The following ZNG1B variants were observed in gnomAD, a reference collection of about 807,000 sequenced individuals.
ZNG1B encodes zinc-regulated GTPase metalloprotein activator 1B.
At chr2:113,457,093 G>A in the ZNG1B span, 52 of 454,612 alleles carry the variant, frequency 1.1e-4, 1 homozygote, top group South Asian at 8.1e-4. Flanking sequence ...TAAAATGACA[G>A]CTCTCTATTC....
chr2:113,442,276 G>A, the ZNG1B span, among the ~76,000 whole-genome samples: 2 of 151,938 alleles, frequency 1.3e-5, no homozygotes, highest in African/African-American at 4.8e-5. Flanking sequence ...ATATTAAACT[G>A]TAGTCAAAAA....
At chr2:113,447,193 GA>G in the ZNG1B span, among the ~76,000 whole-genome samples, 1 of 113,260 alleles carries the variant, frequency 8.8e-6, no homozygotes, top group African/African-American at 3.7e-5. Flanking sequence ...TACTTGGGAG[GA>G]TCACTTGAGC....
At chr2:113,462,999 C>G in the ZNG1B span, among the ~76,000 whole-genome samples, 3 of 148,378 alleles carry the variant, frequency 2.0e-5, no homozygotes, top group Non-Finnish European at 3.0e-5. Flanking sequence ...CTCAGTTTTC[C>G]CTGAACTCTT....
the ZNG1B span, among the ~76,000 whole-genome samples, chr2:113,456,153 C>A: frequency 1.3e-5 from 2 of 151,438 alleles, no homozygotes; most frequent in Non-Finnish European, 1.5e-5. Flanking sequence ...TGATAGAGTG[C>A]CCTAATTTGA....
the ZNG1B span, among the ~76,000 whole-genome samples, chr2:113,463,509 T>TC: frequency 6.6e-6 from 1 of 152,202 alleles, no homozygotes; most frequent in South Asian, 2.1e-4. Flanking sequence ...TCATATTTTT[T>TC]CCACATATTT....
chr2:113,474,662 G>T, the ZNG1B span, among the ~76,000 whole-genome samples: 2 of 144,100 alleles, frequency 1.4e-5, no homozygotes, highest in South Asian at 2.2e-4. Context: ...TGCTTTGAAT[G>T]CGTCCCAGAG....
chr2:113,445,801 T>A, the ZNG1B span, among the ~76,000 whole-genome samples: 5,187 of 145,564 alleles, frequency 0.036, 380 homozygotes, highest in African/African-American at 0.13. Context: ...CCATTATTTT[T>A]TTTTTTTTTT....
At chr2:113,474,739 G>A in the ZNG1B span, among the ~76,000 whole-genome samples, 2 of 151,868 alleles carry the variant, frequency 1.3e-5, no homozygotes, top group Non-Finnish European at 2.9e-5. Flanking sequence ...CCTTCATTTT[G>A]TTATGTACCC....
At chr2:113,461,532 T>C in the ZNG1B span, among the ~76,000 whole-genome samples, 1 of 152,174 alleles carries the variant, frequency 6.6e-6, no homozygotes, top group Non-Finnish European at 1.5e-5. Context: ...GAATTCAGTT[T>C]TGAGAATTTA....
At chr2:113,446,311 A>G in the ZNG1B span, among the ~76,000 whole-genome samples, 1 of 152,208 alleles carries the variant, frequency 6.6e-6, no homozygotes, top group Non-Finnish European at 1.5e-5. Flanking sequence ...GTTATAAAAA[A>G]TCTTAATGTT....
At chr2:113,469,122 G>GTTTATT in the ZNG1B span, 5 of 151,606 alleles carry the variant, frequency 3.3e-5, no homozygotes, top group East Asian at 1.9e-4. Context: ...CATTCATTTG[G>GTTTATT]TTTATTTTTA....
the ZNG1B span, among the ~76,000 whole-genome samples, chr2:113,493,150 T>C: frequency 7.5e-6 from 1 of 132,532 alleles, no homozygotes; most frequent in African/African-American, 2.8e-5. Flanking sequence ...CCTATCATTC[T>C]CATCGCTAAG....
the ZNG1B span, chr2:113,444,985 T>C: frequency 3.1e-6 from 5 of 1,610,694 alleles, no homozygotes; most frequent in East Asian, 1.1e-4. Flanking sequence ...TTAGAGCTAT[T>C]GAGAATTTGA....
the ZNG1B span, among the ~76,000 whole-genome samples, chr2:113,473,163 G>T: frequency 2.7e-3 from 412 of 151,288 alleles, 1 homozygote; most frequent in African/African-American, 9.6e-3. Context: ...TTATTTCCTT[G>T]AGCAGTGGTT....
chr2:113,448,739 C>T, the ZNG1B span, among the ~76,000 whole-genome samples: 1 of 151,986 alleles, frequency 6.6e-6, no homozygotes, highest in Non-Finnish European at 1.5e-5. Context: ...CCCATCTCGG[C>T]TAAAAATACC....
the ZNG1B span, among the ~76,000 whole-genome samples, chr2:113,443,001 C>T: frequency 6.6e-6 from 1 of 150,706 alleles, no homozygotes; most frequent in South Asian, 2.1e-4. Context: ...TGGAGTCTCG[C>T]TGTGTTGCCC....
the ZNG1B span, among the ~76,000 whole-genome samples, chr2:113,472,793 T>G: frequency 6.6e-6 from 1 of 151,944 alleles, no homozygotes; most frequent in Non-Finnish European, 1.5e-5. Context: ...ATCAGATAGT[T>G]GTAGATATGC....
the ZNG1B span, among the ~76,000 whole-genome samples, chr2:113,440,262 C>T: frequency 2.0e-5 from 3 of 151,936 alleles, no homozygotes; most frequent in African/African-American, 4.8e-5. Context: ...AAATCTGTAA[C>T]GTATTAGAAA....
the ZNG1B span, among the ~76,000 whole-genome samples, chr2:113,473,135 ATTTG>A: frequency 2.7e-5 from 4 of 150,700 alleles, no homozygotes; most frequent in African/African-American, 9.8e-5. Context: ...ATGTTCTTCC[ATTTG>A]TTTGTATCCT....
Sources: allele counts gnomAD v4.1 joint callset (sites outside exome capture counted in the v4.1 genomes callset), GRCh38; gene constraint gnomAD v4.1.1; transcripts MANE v1.5; gene names NCBI Gene and HGNC (gene_info 2026-07-23, HGNC 2026-07-21).